The following PLA2G4A variants were observed in gnomAD, a reference collection of about 807,000 sequenced individuals.
PLA2G4A encodes cytosolic phospholipase A2.
Under a neutral mutation model 81.9 loss-of-function variants are expected in PLA2G4A, and 40 were observed. That is an observed-to-expected ratio of 0.49 (90% CI 0.38 to 0.64). The LOEUF (loss-of-function observed/expected upper bound fraction) is 0.64. Ranked by LOEUF, PLA2G4A falls within the 30% of genes least tolerant of loss-of-function variation. The pLI is 0.00. For synonymous variants in PLA2G4A, 302 were observed against 296.9 expected (o/e 1.02, Z -0.18); for missense variants, 715 against 905.1 (o/e 0.79, Z 2.69).
Position 186,857,109 on chromosome 1 carries a change from A to AAT in PLA2G4A, c.33+2723_33+2724dup, listed in dbSNP as rs1420920388. Among the ~76,000 whole-genome samples, 55 of 17,698 alleles carry AAT rather than the reference A, an allele frequency of 3.1e-3. 3 individuals are homozygous for AAT. The highest frequency in any genetic ancestry group is 0.02 in the African/African-American group (53 of 2,624). 11.6% of individuals were successfully genotyped at this position (17,698 alleles called of 152,430 possible). Reference sequence around the variant, plus strand: ...TATATAATATATAATATAATTATATAATTATATAATATTCTATAATATATA... The same window carrying AAT: ...TATATAATATATAATATAATTATATAATATTATATAATATTCTATAATATATA... On this transcript the variant is annotated intron_variant, in intron 2 of 17. Transcript: ENST00000367466.
At chr1:186,917,551 A>G (rs1229538781) in intron 7 of PLA2G4A, among the ~76,000 whole-genome samples, 1 of 152,154 alleles carries the variant, frequency 6.6e-6, no homozygotes, top group Non-Finnish European at 1.5e-5. Context: ...GGCGGTATGT[A>G]GCTTCCAAGT....
At chr1:186,850,211 T>A (rs1199237136) in intron 1 of PLA2G4A, among the ~76,000 whole-genome samples, 1 of 152,150 alleles carries the variant, frequency 6.6e-6, no homozygotes. Flanking sequence ...ATTTTAAATA[T>A]TTGTCTGTGT....
chr1:186,938,335 G>T (rs1656027451), intron 8 of PLA2G4A, among the ~76,000 whole-genome samples: 1 of 152,066 alleles, frequency 6.6e-6, no homozygotes, highest in African/African-American at 2.4e-5. Flanking sequence ...AAGGCTCATG[G>T]TGATTTCCAG....
intron 7 of PLA2G4A, among the ~76,000 whole-genome samples, chr1:186,911,857 G>A (rs779285612): frequency 3.9e-5 from 6 of 152,256 alleles, no homozygotes; most frequent in South Asian, 2.1e-4. Flanking sequence ...AGGAAAGCCC[G>A]TGGTGCAATT....
At chr1:186,908,281 T>C (rs1242260911) in intron 6 of PLA2G4A, among the ~76,000 whole-genome samples, 1 of 152,076 alleles carries the variant, frequency 6.6e-6, no homozygotes, top group Non-Finnish European at 1.5e-5. Context: ...TTTTGAAAAC[T>C]GATATCCTTA....
chr1:186,923,297 G>T (rs1195397625), intron 7 of PLA2G4A, among the ~76,000 whole-genome samples: 1 of 152,182 alleles, frequency 6.6e-6, no homozygotes, highest in Non-Finnish European at 1.5e-5. Context: ...TAGCTTCTCT[G>T]AAGTTTTTAG....
chr1:186,936,150 A>G (rs1024431513), intron 8 of PLA2G4A, among the ~76,000 whole-genome samples: 6 of 151,994 alleles, frequency 3.9e-5, no homozygotes, highest in African/African-American at 1.4e-4. Flanking sequence ...CCATCTAAAA[A>G]GAAATCAGAA....
intron 15 of PLA2G4A, among the ~76,000 whole-genome samples, chr1:186,971,492 T>C (rs929826350): frequency 6.6e-6 from 1 of 151,984 alleles, no homozygotes; most frequent in Non-Finnish European, 1.5e-5. Context: ...CCTACCATTC[T>C]GGAAATAATG....
chr1:186,977,829 A>G (rs1372766138), intron 16 of PLA2G4A, 41 bp downstream of exon 16: 1 of 1,294,470 alleles, frequency 7.7e-7, no homozygotes, highest in African/African-American at 1.5e-5. Flanking sequence ...ATAGAAATTA[A>G]GTAGGGGACG....
rs183453062 is a variant in PLA2G4A, at chr1:186,917,871, G to C, written c.558+6482G>C. Among the ~76,000 whole-genome samples, 335 of 152,352 alleles carry C rather than the reference G, an allele frequency of 2.2e-3. 1 individual carries two copies. The highest frequency in any genetic ancestry group is 7.6e-3 in the African/African-American group (318 of 41,582). On this transcript the variant is annotated intron_variant, in intron 7 of 17. Coordinates refer to ENST00000367466, the MANE Select transcript of PLA2G4A (RefSeq NM_024420.3). ...AAACAGTGGGGCTTTGCCTCGCATT[G>C]TGCTGTCGGCATGTAATGCACAGTT...
intron 7 of PLA2G4A, among the ~76,000 whole-genome samples, chr1:186,913,752 T>A (rs1655045558): frequency 6.6e-6 from 1 of 152,222 alleles, no homozygotes; most frequent in Admixed American, 6.5e-5. Flanking sequence ...ATAAATAAAT[T>A]AATTTCTTGG....
Position 186,950,742 on chromosome 1 carries a change from A to T in PLA2G4A, c.1336+14A>T, listed in dbSNP as rs747098581. 3 of 1,516,598 alleles carry T rather than the reference A, an allele frequency of 2.0e-6. No individual in the cohort carries two copies. In the African/African-American group the frequency reaches 4.1e-5, roughly 21 times the overall value. The allele number at this position is 1,516,598 out of a possible 1,614,324, so 93.9% of individuals were successfully genotyped here. ...ACGAACCCAAAGGTGAGTGAGCCGG[A>T]AACTTTTCTGGCCCAGATCCATGAG... On this transcript the variant is annotated intron_variant, in intron 13 of 17. Coordinates refer to ENST00000367466, the MANE Select transcript of PLA2G4A (RefSeq NM_024420.3).
intron 2 of PLA2G4A, among the ~76,000 whole-genome samples, chr1:186,859,675 A>T (rs1344708327): frequency 6.6e-6 from 1 of 152,180 alleles, no homozygotes; most frequent in East Asian, 1.9e-4. Flanking sequence ...TTTACCAAAA[A>T]TATAGAAAGC....
intron 2 of PLA2G4A, among the ~76,000 whole-genome samples, chr1:186,866,862 CATT>C (rs2102052218): frequency 6.6e-6 from 1 of 152,116 alleles, no homozygotes; most frequent in East Asian, 1.9e-4. Context: ...AGCATTTTCT[CATT>C]GTATTTCAGG....
chr1:186,881,932 A>C (rs1427002594), intron 3 of PLA2G4A, among the ~76,000 whole-genome samples: 1 of 152,080 alleles, frequency 6.6e-6, no homozygotes. Context: ...ACAGGAGTGA[A>C]TAGGAAGGCT....
intron 14 of PLA2G4A, among the ~76,000 whole-genome samples, chr1:186,959,364 A>G (rs943197654): frequency 1.6e-5 from 2 of 122,086 alleles, no homozygotes; most frequent in Non-Finnish European, 3.5e-5. Flanking sequence ...ATCCCCAAAT[A>G]TGGCATTATA....
At chr1:186,888,834 C>G (rs1224726825) in intron 3 of PLA2G4A, among the ~76,000 whole-genome samples, 1 of 65,820 alleles carries the variant, frequency 1.5e-5, no homozygotes, top group East Asian at 5.5e-4. Flanking sequence ...TTTTCTATTA[C>G]TTCTTGGAAA....
intron 1 of PLA2G4A, among the ~76,000 whole-genome samples, chr1:186,831,015 T>TTTCC (rs1651564887): frequency 6.7e-6 from 1 of 149,166 alleles, no homozygotes; most frequent in Admixed American, 6.7e-5. Context: ...TCTTTCTTTC[T>TTTCC]TTCTTTTTCT....
intron 3 of PLA2G4A, among the ~76,000 whole-genome samples, chr1:186,876,985 G>A (rs1047433433): frequency 6.6e-6 from 1 of 152,040 alleles, no homozygotes; most frequent in African/African-American, 2.4e-5. Flanking sequence ...TTGGAAAAAG[G>A]AGCTTAGAAC....
Sources: allele counts gnomAD v4.1 joint callset (sites outside exome capture counted in the v4.1 genomes callset), GRCh38; gene constraint gnomAD v4.1.1; transcripts MANE v1.5; gene names NCBI Gene and HGNC (gene_info 2026-07-23, HGNC 2026-07-21).